Variants in MBOAT1 observed in about 807,000 individuals in gnomAD.
MBOAT1 encodes the protein membrane bound glycerophospholipid O-acyltransferase 1.
Under a neutral mutation model 64.4 loss-of-function variants are expected in MBOAT1, and 67 were observed. The ratio of observed to expected loss-of-function variants is 1.04; its 90% confidence interval spans 0.85 to 1.27. The LOEUF is 1.27. Among genes scored for constraint, MBOAT1 ranks in the 50% most tolerant of loss-of-function variants. The probability of loss-of-function intolerance (pLI) is 0.00; values close to 1 mark genes in which losing one functional copy is unlikely to be tolerated. For synonymous variants in MBOAT1, 229 were observed against 218.9 expected (o/e 1.05, Z -0.41); for missense variants, 563 against 604.6 (o/e 0.93, Z 0.72).
In MBOAT1 at chr6:20,152,684, T is replaced by A; in HGVS notation, c.185A>T (p.Asp62Val). The A allele has an allele frequency of 6.2e-7, 1 of 1,612,008 alleles. No homozygotes were observed. Residue 62 changes from aspartate to valine, a missense_variant, in exon 2 of 13, where the codon GAT (aspartate) becomes GTT (valine). By Grantham distance (152) the Asp-to-Val change is radical. Transcript: ENST00000324607. ...AATGGTGGCAACCGCATGCCGGACATCAGAGCTGGTTGTACCAGGACGTAA... is the reference window on the plus strand; with the variant it reads ...AATGGTGGCAACCGCATGCCGGACAACAGAGCTGGTTGTACCAGGACGTAA... ...IYLRPGTTSS[D>V]VRHAVATIFG...
chr6:20,152,544 C>G, intron 2 of MBOAT1, 80 bp downstream of exon 2: 1 of 1,408,428 alleles, frequency 7.1e-7, no homozygotes, highest in Non-Finnish European at 9.6e-7. Flanking sequence ...CCATCTATTT[C>G]TGGCTTTAGT....
intron 1 of MBOAT1, among the ~76,000 whole-genome samples, chr6:20,166,960 A>G (rs1581438346): frequency 6.6e-6 from 1 of 152,122 alleles, no homozygotes; most frequent in East Asian, 1.9e-4. Flanking sequence ...AGAAAAGAAA[A>G]AAAGAAAAGA....
At chr6:20,198,027 A>T (rs1265893547) in intron 1 of MBOAT1, among the ~76,000 whole-genome samples, 1 of 152,142 alleles carries the variant, frequency 6.6e-6, no homozygotes, top group Non-Finnish European at 1.5e-5. Context: ...GGAGTTTGAG[A>T]CCAGCCTGGT....
At chr6:20,172,416 A>G (rs1762222182) in intron 1 of MBOAT1, among the ~76,000 whole-genome samples, 1 of 152,150 alleles carries the variant, frequency 6.6e-6, no homozygotes, top group African/African-American at 2.4e-5. Context: ...GCAACAGAGC[A>G]AGACTGTCTC....
Position 20,109,669 on chromosome 6 carries a change from A to G in MBOAT1, c.1290T>C (p.Thr430=). ...CTACCGTGTAAGAGACAGCCAGCTG[A>G]GTGACGGCCCAGGTGCCTGCATCAT... ...AVYDAGTWAV[T]QLAVSYTVAP... is the part of the protein sequence containing the mutation. The change falls in exon 12 of 13, where the codon ACT becomes ACC. Residue 430 remains threonine, a synonymous_variant. Coordinates refer to ENST00000324607, the MANE Select transcript of MBOAT1 (RefSeq NM_001080480.3). 6.2e-7 allele frequency: 1 copy of G among 1,614,200 alleles called. No homozygotes were observed. The highest frequency in any genetic ancestry group is 8.5e-7 in the Non-Finnish European group (1 of 1,180,032).
intron 1 of MBOAT1, among the ~76,000 whole-genome samples, chr6:20,167,848 G>C (rs745582167): frequency 6.6e-6 from 1 of 152,100 alleles, no homozygotes; most frequent in Non-Finnish European, 1.5e-5. Context: ...GTCACCACAC[G>C]AACTGTACGA....
intron 4 of MBOAT1, among the ~76,000 whole-genome samples, chr6:20,131,686 TTAAA>T (rs1760833267): frequency 6.6e-6 from 1 of 152,342 alleles, no homozygotes; most frequent in African/African-American, 2.4e-5. Flanking sequence ...TCGAAGTTTA[TTAAA>T]TAAAATAGAA....
intron 1 of MBOAT1, among the ~76,000 whole-genome samples, chr6:20,173,717 G>A (rs374039751): frequency 8.4e-4 from 128 of 152,272 alleles, no homozygotes; most frequent in African/African-American, 2.8e-3. Flanking sequence ...TTGGGAGGCC[G>A]AGGCGGGTGG....
In MBOAT1 at chr6:20,113,011, G is replaced by A. The variant is rs530217897; in HGVS notation, c.1077-3C>T. The stretch of plus-strand genomic sequence containing the variant: ...ATGGAACCCGCTGATAGCACACACT[G>A]TGAAGAGAGGAAGGAACAAGACACA... On this transcript the variant is annotated splice_region_variant and splice_polypyrimidine_tract_variant and intron_variant, in intron 10 of 12. Coordinates refer to ENST00000324607, the MANE Select transcript of MBOAT1 (RefSeq NM_001080480.3). 976 of 1,611,654 alleles carry A rather than the reference G, an allele frequency of 6.1e-4. 14 individuals carry two copies. In the South Asian group the frequency reaches 0.01, roughly 17 times the overall value.
chr6:20,159,726 TATAC>T (rs1761793408), intron 1 of MBOAT1, among the ~76,000 whole-genome samples: 1 of 152,212 alleles, frequency 6.6e-6, no homozygotes. Flanking sequence ...CCTTCCACAA[TATAC>T]ATATGTATCA....
chr6:20,159,888 A>G (rs572261940), intron 1 of MBOAT1, among the ~76,000 whole-genome samples: 2 of 152,240 alleles, frequency 1.3e-5, no homozygotes, highest in African/African-American at 4.8e-5. Context: ...CTACTGATCC[A>G]CTCCCTCCAG....
At chr6:20,199,754 G>C (rs1247135483) in intron 1 of MBOAT1, among the ~76,000 whole-genome samples, 1 of 152,196 alleles carries the variant, frequency 6.6e-6, no homozygotes, top group African/African-American at 2.4e-5. Context: ...CAGATCACAA[G>C]GTCAGGAGTT....
chr6:20,150,730 A>AT (rs1199310228), intron 3 of MBOAT1, among the ~76,000 whole-genome samples: 2 of 140,106 alleles, frequency 1.4e-5, no homozygotes, highest in Admixed American at 1.5e-4. Context: ...CGCCCAGCTA[A>AT]TTTTTTTTGG....
intron 6 of MBOAT1, 67 bp from the exon 7 acceptor site, chr6:20,126,767 A>G: frequency 8.7e-7 from 1 of 1,144,992 alleles, no homozygotes; most frequent in Non-Finnish European, 1.3e-6. Flanking sequence ...ATCTGTAAAT[A>G]AGCAAACACA....
At chr6:20,131,981 C>G (rs1311788477) in intron 4 of MBOAT1, among the ~76,000 whole-genome samples, 1 of 152,068 alleles carries the variant, frequency 6.6e-6, no homozygotes, top group Non-Finnish European at 1.5e-5. Context: ...CTCCTGGGCT[C>G]AAGCAATCCT....
At chr6:20,179,078 C>T (rs942581970) in intron 1 of MBOAT1, among the ~76,000 whole-genome samples, 1 of 151,962 alleles carries the variant, frequency 6.6e-6, no homozygotes, top group Non-Finnish European at 1.5e-5. Flanking sequence ...GTTATTCTTC[C>T]TGATGCTCTC....
intron 1 of MBOAT1, among the ~76,000 whole-genome samples, chr6:20,184,096 C>G (rs539883125): frequency 6.6e-6 from 1 of 152,308 alleles, no homozygotes; most frequent in South Asian, 2.1e-4. Context: ...TTGGTGGGGA[C>G]ACAGCCAAAC....
At chr6:20,123,666 G>A (rs956221813) in intron 8 of MBOAT1, among the ~76,000 whole-genome samples, 2 of 150,670 alleles carry the variant, frequency 1.3e-5, no homozygotes, top group Non-Finnish European at 2.9e-5. Context: ...ACCTAACAAC[G>A]GTTCCTTAAA....
At chr6:20,151,328 C>A in intron 2 of MBOAT1, 66 bp from the exon 3 acceptor site, 1 of 1,170,702 alleles carries the variant, frequency 8.5e-7, no homozygotes, top group Non-Finnish European at 1.3e-6. Flanking sequence ...CTATTGGTCA[C>A]CAAAACTGTG....
Sources: gnomAD v4.1 joint callset for allele counts (sites outside exome capture counted in the v4.1 genomes callset) on GRCh38, gnomAD v4.1.1 for gene constraint, MANE v1.5 for transcripts, NCBI Gene and HGNC (gene_info 2026-07-23, HGNC 2026-07-21) for gene names.